EYA1: variants seen among roughly 807,000 people sequenced by gnomAD.
EYA1 encodes the protein EYA transcriptional coactivator and phosphatase 1, also known as protein phosphatase EYA1.
EYA1 carries 16 observed loss-of-function variants against 82.0 expected under a neutral mutation model. The observed-to-expected ratio is 0.20, with a 90% CI of 0.13 to 0.30. EYA1 has a LOEUF of 0.30. EYA1 is among the 10% of genes least tolerant of loss of function. The pLI is 1.00. For synonymous variants in EYA1, 261 were observed against 264.4 expected (o/e 0.99, Z 0.12); for missense variants, 633 against 730.7 (o/e 0.87, Z 1.54).
At chr8:71,285,956 C>G (rs371852776) in intron 9 of EYA1, among the ~76,000 whole-genome samples, 6 of 152,118 alleles carry the variant, frequency 3.9e-5, no homozygotes, top group African/African-American at 1.4e-4. Context: ...AATAACTATA[C>G]AGTCAACTTT....
At chr8:71,267,662 C>T (rs1445330950) in intron 11 of EYA1, among the ~76,000 whole-genome samples, 2 of 152,166 alleles carry the variant, frequency 1.3e-5, no homozygotes, top group African/African-American at 4.8e-5. Context: ...CGTTCTCCTG[C>T]CTCAGCTTCC....
At chr8:71,429,906 A>C (rs1176153591) in intron 2 of EYA1, among the ~76,000 whole-genome samples, 2 of 152,204 alleles carry the variant, frequency 1.3e-5, no homozygotes, top group Non-Finnish European at 2.9e-5. Context: ...CTGTAGCTTA[A>C]CTTTGGCATT....
chr8:71,455,468 T>C (rs765741028), intron 2 of EYA1, among the ~76,000 whole-genome samples: 8 of 152,128 alleles, frequency 5.3e-5, no homozygotes, highest in Non-Finnish European at 1.0e-4. Flanking sequence ...AAGAGAATTT[T>C]AGACCAATAC....
chr8:71,202,076 C>A (rs1563603452), intron 17 of EYA1, among the ~76,000 whole-genome samples: 2 of 152,048 alleles, frequency 1.3e-5, no homozygotes, highest in East Asian at 3.9e-4. Context: ...AGTGGAATGC[C>A]TTTTTTCAGA....
At chr8:71,323,579 C>T (rs572306833) in intron 4 of EYA1, among the ~76,000 whole-genome samples, 4 of 152,160 alleles carry the variant, frequency 2.6e-5, no homozygotes, top group Non-Finnish European at 5.9e-5. Flanking sequence ...TAGATTAGTA[C>T]CACTCTTGCA....
At chr8:71,364,679 C>T (rs1827635437), upstream of EYA1, among the ~76,000 whole-genome samples, 1 of 151,582 alleles carries the variant, frequency 6.6e-6, no homozygotes, top group Non-Finnish European at 1.5e-5. Flanking sequence ...TTAAAATTTT[C>T]CAATATGCTT....
At chr8:71,224,149 T>C (rs1014300581) in intron 12 of EYA1, among the ~76,000 whole-genome samples, 2 of 152,148 alleles carry the variant, frequency 1.3e-5, no homozygotes, top group African/African-American at 4.8e-5. Flanking sequence ...GTGAGGCAGT[T>C]TGCATGTTAT....
intron 12 of EYA1, among the ~76,000 whole-genome samples, chr8:71,222,771 T>A (rs1810091860): frequency 6.6e-6 from 1 of 152,242 alleles, no homozygotes; most frequent in Non-Finnish European, 1.5e-5. Context: ...GCGATGCTGA[T>A]GTCTTTGACC....
Position 71,198,221 on chromosome 8 carries a change from T to TTTGAA in EYA1, c.*1114_*1118dup, listed in dbSNP as rs1806488659. ...TCTATATTCTTTGTGGGAAGAAGCA[T>TTTGAA]TTGAATAATTATTTTTTCCAAGTAG... On this transcript the variant is annotated 3_prime_UTR_variant, in exon 18 of 18. Coordinates refer to ENST00000340726, the MANE Select transcript of EYA1 (RefSeq NM_000503.6). 6.6e-6 allele frequency: 1 copy of TTTGAA among 152,632 alleles called. No individual in the cohort carries two copies. Among genetic ancestry groups the TTTGAA allele is most frequent in the Non-Finnish European group, 1.5e-5 (1 of 68,048 alleles). 9.5% of individuals were successfully genotyped at this position (152,632 alleles called of 1,614,324 possible).
chr8:71,477,767 T>A (rs534891445), intron 2 of EYA1, among the ~76,000 whole-genome samples: 56 of 152,194 alleles, frequency 3.7e-4, no homozygotes, highest in African/African-American at 1.3e-3. Context: ...TTTACAACAT[T>A]TACACAAAGA....
chr8:71,477,730 T>C (rs538815336), intron 2 of EYA1, among the ~76,000 whole-genome samples: 6 of 152,064 alleles, frequency 3.9e-5, no homozygotes, highest in Non-Finnish European at 1.5e-5. Context: ...CTCCTAGGTA[T>C]ACAGCCAAGA....
chr8:71,233,563 C>CA (rs767423332), intron 12 of EYA1, among the ~76,000 whole-genome samples: 1,337 of 63,986 alleles, frequency 0.021, 14 homozygotes, highest in African/African-American at 0.049. Context: ...GACTCCGTCT[C>CA]AAAAAAAAAA....
intron 2 of EYA1, among the ~76,000 whole-genome samples, chr8:71,419,788 T>C (rs1427196483): frequency 1.3e-5 from 2 of 152,124 alleles, no homozygotes; most frequent in East Asian, 3.8e-4. Flanking sequence ...AATTCTAAGC[T>C]ATATTTTATG....
At chr8:71,240,689 GA>G (rs1812378602) in intron 12 of EYA1, among the ~76,000 whole-genome samples, 1 of 152,154 alleles carries the variant, frequency 6.6e-6, no homozygotes, top group African/African-American at 2.4e-5. Flanking sequence ...TAACCAGACA[GA>G]AGAAGAAAAT....
chr8:71,364,985 T>TAA (rs1563538598), upstream of EYA1, among the ~76,000 whole-genome samples: 1 of 117,300 alleles, frequency 8.5e-6, no homozygotes, highest in African/African-American at 3.5e-5. Context: ...TATATATATA[T>TAA]ACATATACAC....
At chr8:71,427,748 G>A (rs1751074511) in intron 2 of EYA1, among the ~76,000 whole-genome samples, 1 of 152,178 alleles carries the variant, frequency 6.6e-6, no homozygotes, top group South Asian at 2.1e-4. Flanking sequence ...AGGCCAAGTA[G>A]GTGGCTCATG....
At chr8:71,332,421 G>A (rs1001627656) in intron 4 of EYA1, among the ~76,000 whole-genome samples, 1 of 151,954 alleles carries the variant, frequency 6.6e-6, no homozygotes, top group Non-Finnish European at 1.5e-5. Flanking sequence ...GCATTTCCTG[G>A]CTCTTAACTT....
At chr8:71,508,170 C>T (rs766278068) in intron 2 of EYA1, among the ~76,000 whole-genome samples, 12 of 152,128 alleles carry the variant, frequency 7.9e-5, no homozygotes, top group Non-Finnish European at 1.6e-4. Flanking sequence ...TCCATTTCTC[C>T]GCATTATTCA....
chr8:71,271,791 A>G lies in EYA1; in HGVS notation c.933T>C (p.Asn311=), dbSNP rs1816565884. The G allele has an allele frequency of 6.2e-7, 1 of 1,614,030 alleles. No individual in the cohort carries two copies. The highest frequency in any genetic ancestry group is 1.7e-5 in the Admixed American group (1 of 59,998). ...GKSRGRGRRN[N]NPSPPPDSDL... is the part of the protein sequence containing the mutation. ...CAGAATCTGGGGGAGGTGAAGGATT[A>G]TTGTTTCTTCGGCCCCGTCCACGTG... Residue 311 remains asparagine, a synonymous_variant, in exon 10 of 18, where the codon AAT becomes AAC. Coordinates refer to ENST00000340726, the MANE Select transcript of EYA1 (RefSeq NM_000503.6).
Sources: allele counts gnomAD v4.1 joint callset (sites outside exome capture counted in the v4.1 genomes callset), GRCh38; gene constraint gnomAD v4.1.1; transcripts MANE v1.5; gene names NCBI Gene and HGNC (gene_info 2026-07-23, HGNC 2026-07-21).